KYNU: variants seen among roughly 807,000 people sequenced by gnomAD.
KYNU encodes L-kynurenine hydrolase.
Under a neutral mutation model 59.2 loss-of-function variants are expected in KYNU, and 54 were observed. The ratio of observed to expected loss-of-function variants is 0.91; its 90% CI spans 0.73 to 1.14. The LOEUF is 1.14. Among genes scored for constraint, KYNU ranks in the 50% most tolerant of loss-of-function variants. The pLI, the probability that KYNU is intolerant of heterozygous loss-of-function variation, is 0.00. For synonymous variants in KYNU, 177 were observed against 192.0 expected (o/e 0.92, Z 0.65); for missense variants, 567 against 554.4 (o/e 1.02, Z -0.23).
At position 143,051,487 on chromosome 2, in the gene KYNU, A is replaced by G. The variant is rs186403515; in HGVS notation, c.*9315A>G. ...TTTTTATTTCATAGTGGTATTTTCA[A>G]TTTTGTCTGGGATAATAAGATGTTT... On this transcript the variant is annotated 3_prime_UTR_variant, in exon 14 of 14. Coordinates refer to ENST00000264170, the MANE Select transcript of KYNU (RefSeq NM_003937.3). 4.5e-4 allele frequency: 68 copies of G among 152,196 alleles called. No homozygotes were observed. Among genetic ancestry groups the G allele is most frequent in the African/African-American group, 1.3e-3 (55 of 41,552 alleles). 9.4% of individuals were successfully genotyped at this position (152,196 alleles called of 1,614,324 possible). A position where few individuals can be genotyped will look rare whatever the true frequency, so the allele number is the denominator to read the frequency against.
intron 3 of KYNU, among the ~76,000 whole-genome samples, chr2:142,922,213 A>G (rs1682905582): frequency 6.6e-6 from 1 of 152,186 alleles, no homozygotes; most frequent in Non-Finnish European, 1.5e-5. Context: ...AAAAATGTAT[A>G]ATCTTGACCA....
intron 4 of KYNU, among the ~76,000 whole-genome samples, chr2:142,952,945 T>G (rs936570941): frequency 1.3e-5 from 2 of 152,204 alleles, no homozygotes. Context: ...ATAAATGGTT[T>G]TCCAAATAGA....
intron 2 of KYNU, among the ~76,000 whole-genome samples, chr2:142,895,734 G>C (rs1482041474): frequency 2.0e-5 from 3 of 151,908 alleles, no homozygotes; most frequent in Non-Finnish European, 2.9e-5. Flanking sequence ...ACCCAGGCTG[G>C]AGTGCAGTGG....
intron 1 of KYNU, among the ~76,000 whole-genome samples, chr2:142,882,734 G>T (rs957190982): frequency 5.3e-5 from 8 of 152,192 alleles, no homozygotes; most frequent in African/African-American, 1.9e-4. Context: ...TATCATTGAT[G>T]GACATTTGGG....
chr2:142,884,516 G>A (rs1681421578), intron 1 of KYNU, among the ~76,000 whole-genome samples: 5 of 151,884 alleles, frequency 3.3e-5, no homozygotes. Flanking sequence ...GATACCTAGA[G>A]GAAAAGGTGA....
intron 10 of KYNU, among the ~76,000 whole-genome samples, chr2:142,993,012 C>A (rs1685446944): frequency 6.6e-6 from 1 of 151,966 alleles, no homozygotes; most frequent in African/African-American, 2.4e-5. Flanking sequence ...GGAGGTATAG[C>A]AGACTGACTC....
At chr2:142,977,143 TC>T (rs1684911387) in intron 8 of KYNU, among the ~76,000 whole-genome samples, 1 of 152,052 alleles carries the variant, frequency 6.6e-6, no homozygotes, top group African/African-American at 2.4e-5. Flanking sequence ...CCCTCTTCCA[TC>T]ATGGCTTGAA....
intron 12 of KYNU, among the ~76,000 whole-genome samples, chr2:143,033,946 C>T (rs1209470455): frequency 6.6e-6 from 1 of 151,964 alleles, no homozygotes; most frequent in African/African-American, 2.4e-5. Context: ...TTATAGTCTC[C>T]ACTATCACTG....
intron 10 of KYNU, among the ~76,000 whole-genome samples, chr2:142,992,121 C>G (rs1385951934): frequency 6.6e-6 from 1 of 151,700 alleles, no homozygotes; most frequent in Non-Finnish European, 1.5e-5. Flanking sequence ...AAGGGAGATT[C>G]AGGATGTCAT....
chr2:143,033,160 T>G (rs1686806047), intron 11 of KYNU, 76 bp from the exon 12 acceptor site: 1 of 981,864 alleles, frequency 1.0e-6, no homozygotes, highest in African/African-American at 1.6e-5. Flanking sequence ...GCTCTTTTAC[T>G]CTCCAGTACT....
chr2:143,012,332 A>C (rs1381439426), intron 10 of KYNU, among the ~76,000 whole-genome samples: 2 of 151,916 alleles, frequency 1.3e-5, no homozygotes, highest in African/African-American at 2.4e-5. Context: ...AAATACAAAA[A>C]GTTAGCTGGG....
At chr2:142,974,780 G>A (rs1428977626) in intron 8 of KYNU, among the ~76,000 whole-genome samples, 1 of 152,166 alleles carries the variant, frequency 6.6e-6, no homozygotes, top group Non-Finnish European at 1.5e-5. Flanking sequence ...GCCATCTTCA[G>A]CATCTTCACC....
chr2:142,927,691 C>G lies in KYNU; in HGVS notation c.323C>G (p.Pro108Arg), dbSNP rs1043905236. The G allele has an allele frequency of 1.9e-6, 3 of 1,613,164 alleles. No homozygotes were observed. Among genetic ancestry groups the G allele is most frequent in the Non-Finnish European group, 2.5e-6 (3 of 1,179,462 alleles). Residue 108 changes from proline (P) to arginine (R), a missense_variant, in exon 4 of 14, where the codon CCT becomes CGT. By Grantham distance (103) the Pro-to-Arg change is moderately radical (BLOSUM62 -2). Coordinates refer to ENST00000264170, the MANE Select transcript of KYNU (RefSeq NM_003937.3). Reference sequence around the variant, plus strand: ...TATGGTCATGAAGTGGGGAAGCGTCCTTGGATTACAGGAGATGAGAGTATT... The same window carrying G: ...TATGGTCATGAAGTGGGGAAGCGTCGTTGGATTACAGGAGATGAGAGTATT... ...AAYGHEVGKRPWITGDESIVG... is the reference protein window; with the variant it reads ...AAYGHEVGKRRWITGDESIVG...
chr2:142,937,687 C>T (rs1683437444), intron 4 of KYNU, among the ~76,000 whole-genome samples: 1 of 152,200 alleles, frequency 6.6e-6, no homozygotes, highest in Non-Finnish European at 1.5e-5. Flanking sequence ...TGATTGGGTA[C>T]AGCCCAGCAT....
In KYNU at chr2:142,960,664, T is replaced by C. The variant is rs1265027337; in HGVS notation, c.623T>C (p.Ile208Thr). ...TLRIEDILEV[I>T]EKEGDSIAVI... ...AGAATAGAGGATATCCTTGAAGTAATTGAGAAGGAAGGAGACTCAATTGCA... is the reference window on the plus strand; with the variant it reads ...AGAATAGAGGATATCCTTGAAGTAACTGAGAAGGAAGGAGACTCAATTGCA... Residue 208 changes from isoleucine to threonine, a missense_variant, in exon 8 of 14, where the codon ATT (isoleucine) becomes ACT (threonine). By Grantham distance (89) the Ile-to-Thr change is moderately conservative. Coordinates refer to ENST00000264170, the MANE Select transcript of KYNU (RefSeq NM_003937.3). 2 of 1,613,732 alleles carry C rather than the reference T, an allele frequency of 1.2e-6. No homozygotes were observed. The highest frequency in any genetic ancestry group is 1.3e-5 in the African/African-American group (1 of 74,868).
At chr2:142,956,401 A>G in intron 6 of KYNU, 127 bp downstream of exon 6, 4 of 626,888 alleles carry the variant, frequency 6.4e-6, no homozygotes, top group Non-Finnish European at 1.1e-5. Flanking sequence ...GATCTGTCAA[A>G]TGCTTTTGAT....
In KYNU at chr2:142,899,060, C is replaced by A. The variant is rs897048852; in HGVS notation, c.169+13524C>A. Among the ~76,000 whole-genome samples, 51 of 152,126 alleles carry A rather than the reference C, an allele frequency of 3.4e-4. No homozygotes were observed. In the South Asian group the frequency reaches 3.7e-3, roughly 11 times the overall value. ...GATGGTGGCAAACAGCAGTGGTGGA[C>A]CCGGGTGGGAGTCAATGGCAGGTCT... On this transcript the variant is annotated intron_variant, in intron 2 of 13. Coordinates refer to ENST00000264170, the MANE Select transcript of KYNU (RefSeq NM_003937.3).
intron 10 of KYNU, among the ~76,000 whole-genome samples, chr2:143,028,207 T>C (rs1043390997): frequency 3.3e-5 from 5 of 151,042 alleles, no homozygotes; most frequent in Admixed American, 2.0e-4. Flanking sequence ...ATTTTCCCTA[T>C]ATATTTTGTA....
chr2:142,984,011 G>T (rs889808600), intron 8 of KYNU, among the ~76,000 whole-genome samples: 21 of 151,922 alleles, frequency 1.4e-4, no homozygotes, highest in Non-Finnish European at 1.9e-4. Context: ...CGTCAATTTT[G>T]TGTATTCTTT....
Sources: allele counts gnomAD v4.1 joint callset (sites outside exome capture counted in the v4.1 genomes callset), GRCh38; gene constraint gnomAD v4.1.1; transcripts MANE v1.5; gene names NCBI Gene and HGNC (gene_info 2026-07-23, HGNC 2026-07-21).